MASP1: variants seen among roughly 807,000 people sequenced by gnomAD.
The protein encoded by MASP1 is mannan-binding lectin serine protease 1.
A neutral mutation model predicts 77.1 loss-of-function variants in MASP1; 59 were observed. The ratio of observed to expected loss-of-function variants is 0.77; its 90% CI spans 0.62 to 0.95. The LOEUF (loss-of-function observed/expected upper bound fraction) is 0.95. MASP1 is among the 40% of genes least tolerant of loss of function. The pLI, the probability that MASP1 is intolerant of heterozygous loss-of-function variation, is 0.00. For synonymous variants in MASP1, 362 were observed against 354.5 expected (o/e 1.02, Z -0.24); for missense variants, 885 against 912.9 (o/e 0.97, Z 0.39).
intron 2 of MASP1, among the ~76,000 whole-genome samples, chr3:187,272,418 T>C (rs1716601000): frequency 6.6e-6 from 1 of 152,302 alleles, no homozygotes; most frequent in East Asian, 1.9e-4. Context: ...GTGAATTGTG[T>C]CCCCCTAGAA....
intron 2 of MASP1, among the ~76,000 whole-genome samples, chr3:187,272,965 G>A (rs1352714352): frequency 1.3e-5 from 2 of 152,128 alleles, no homozygotes; most frequent in East Asian, 1.9e-4. Context: ...TTGTAAATAG[G>A]ATGGGAGGTG....
intron 9 of MASP1, 104 bp downstream of exon 9, chr3:187,243,380 C>T (rs1212133321): frequency 2.5e-6 from 3 of 1,203,636 alleles, no homozygotes; most frequent in Non-Finnish European, 3.7e-6. Context: ...GCTCTACACA[C>T]TTATGAGCAG....
chr3:187,256,199 G>A (rs1715061125), intron 5 of MASP1, among the ~76,000 whole-genome samples: 1 of 152,106 alleles, frequency 6.6e-6, no homozygotes, highest in African/African-American at 2.4e-5. Context: ...AATTTGTGAG[G>A]TCTGGGGCAA....
chr3:187,278,779 A>G lies in MASP1; in HGVS notation c.237+7046T>C, dbSNP rs545230348. Among the ~76,000 whole-genome samples the G allele has an allele frequency of 1.6e-4, 24 of 152,276 alleles. No individual in the cohort carries two copies. In the South Asian group the frequency reaches 4.6e-3, roughly 29 times the overall value. On this transcript the variant is annotated intron_variant, in intron 2 of 10. Transcript: ENST00000296280. ...CCTACCTGCTCTTCCATAGCTGTCC[A>G]GGAGGCCTGTGGGCTTTCTTGAAGT...
intron 8 of MASP1, chr3:187,244,711 G>A (rs1180850245): frequency 6.6e-6 from 1 of 152,224 alleles, no homozygotes; most frequent in Non-Finnish European, 1.5e-5. Flanking sequence ...AATGGAACTA[G>A]TGGTTCTTAA....
intron 2 of MASP1, among the ~76,000 whole-genome samples, chr3:187,276,120 C>A (rs144819874): frequency 3.4e-5 from 4 of 117,300 alleles, no homozygotes; most frequent in Admixed American, 1.9e-4. Flanking sequence ...GGTAGCCCCC[C>A]CAACAAGAAA....
At chr3:187,267,240 A>G (rs527644859) in intron 2 of MASP1, among the ~76,000 whole-genome samples, 1 of 152,340 alleles carries the variant, frequency 6.6e-6, no homozygotes, top group Admixed American at 6.5e-5. Flanking sequence ...GCAAATAAAC[A>G]AAGGCTGTCT....
At chr3:187,238,176 G>A (rs1713328716) in intron 10 of MASP1, among the ~76,000 whole-genome samples, 1 of 152,320 alleles carries the variant, frequency 6.6e-6, no homozygotes, top group South Asian at 2.1e-4. Flanking sequence ...TCACAACAAA[G>A]CCAGCATTAA....
In MASP1 at chr3:187,256,854, C is replaced by T; in HGVS notation, c.554G>A (p.Cys185Tyr). ...HTDNRTCRVE[C>Y]SDNLFTQRTG... ...CCTTTGAGTGAAGAGGTTGTCACTG[C>T]ACTCCACTGTTGGAAACATAATAGA... Residue 185 changes from cysteine to tyrosine, a missense_variant, in exon 5 of 11, where the codon TGC becomes TAC. Physicochemically the swap from Cys to Tyr is radical, Grantham distance 194. Coordinates refer to ENST00000296280, the MANE Select transcript of MASP1 (RefSeq NM_139125.4). 1 of 1,613,752 alleles carries T rather than the reference C, an allele frequency of 6.2e-7. No homozygotes were observed. The highest frequency in any genetic ancestry group is 8.5e-7 in the Non-Finnish European group (1 of 1,179,828).
downstream of MASP1, chr3:187,234,028 G>A: frequency 2.0e-5 from 23 of 1,167,782 alleles, no homozygotes; most frequent in Middle Eastern, 3.9e-4. Context: ...TTTCAAAAAA[G>A]TTAAAACAAA....
At position 187,236,272 on chromosome 3, in the gene MASP1, G is replaced by A. The variant is rs1579482015; in HGVS notation, c.1599C>T (p.Asn533=). Residue 533 remains asparagine, a synonymous_variant, in exon 11 of 11, where the codon AAC becomes AAT. Coordinates refer to ENST00000296280, the MANE Select transcript of MASP1 (RefSeq NM_139125.4). Reference sequence around the variant, plus strand: ...GGAGCACCACTCGGGCAGCTGAGCTGTTGACTGCCCCCGATTTGTCTCGCA... The same window carrying A: ...GGAGCACCACTCGGGCAGCTGAGCTATTGACTGCCCCCGATTTGTCTCGCA... ...HDVRDKSGAV[N]SSAARVVLHP... 2 of 1,614,268 alleles carry A rather than the reference G, an allele frequency of 1.2e-6. No individual in the cohort carries two copies. The highest frequency in any genetic ancestry group is 2.2e-5 in the South Asian group (2 of 91,086).
At position 187,236,316 on chromosome 3, in the gene MASP1, A is replaced by T; in HGVS notation, c.1555T>A (p.Tyr519Asn). 1 of 1,614,242 alleles carries T rather than the reference A, an allele frequency of 6.2e-7. No homozygotes were observed. Among genetic ancestry groups the T allele is most frequent in the South Asian group, 1.1e-5 (1 of 91,082 alleles). ...TCTCGCACATCATGCAAGCCCAGGT[A>T]GACGGTGACATGCTCCTTGGAGACT... Reference protein sequence around the residue: ...IPVSKEHVTVYLGLHDVRDKS... With the variant: ...IPVSKEHVTVNLGLHDVRDKS... The change falls in exon 11 of 11, where the codon TAC becomes AAC. Residue 519 changes from tyrosine to asparagine, a missense_variant. Transcript: ENST00000296280.
chr3:187,238,680 G>T (rs3774269), intron 10 of MASP1, among the ~76,000 whole-genome samples: 6,346 of 152,196 alleles, frequency 0.042, 302 homozygotes, highest in East Asian at 0.19. Flanking sequence ...AAAATGGCTC[G>T]GCATTGCTTA....
chr3:187,248,010 G>A (rs1447617675), intron 8 of MASP1, among the ~76,000 whole-genome samples: 1 of 152,128 alleles, frequency 6.6e-6, no homozygotes, highest in African/African-American at 2.4e-5. Context: ...GGGGACTCTC[G>A]ACTCCTCAGT....
chr3:187,288,699 T>G (rs187176782), intron 1 of MASP1, among the ~76,000 whole-genome samples: 1 of 152,122 alleles, frequency 6.6e-6, no homozygotes, highest in Admixed American at 6.5e-5. Flanking sequence ...ACACCCAAAT[T>G]ATGCAAGGCC....
Position 187,234,149 on chromosome 3 carries a change from T to C in MASP1, c.*1535A>G. On this transcript the variant is annotated 3_prime_UTR_variant, in exon 11 of 11. Coordinates refer to ENST00000296280, the MANE Select transcript of MASP1 (RefSeq NM_139125.4). ...ATGGGAGCAACAATGCAGAGGCCCTTTACAGAATGGTGAAGCATATGATAT... is the reference window on the plus strand; with the variant it reads ...ATGGGAGCAACAATGCAGAGGCCCTCTACAGAATGGTGAAGCATATGATAT... 1 of 1,287,242 alleles carries C rather than the reference T, an allele frequency of 7.8e-7. No individual in the cohort carries two copies. Among genetic ancestry groups the C allele is most frequent in the Non-Finnish European group, 1.0e-6 (1 of 988,692 alleles). 79.7% of individuals were successfully genotyped at this position (1,287,242 alleles called of 1,614,324 possible). A position where few individuals can be genotyped will look rare whatever the true frequency, so the allele number is the denominator to read the frequency against.
Position 187,253,326 on chromosome 3 carries a change from T to G in MASP1, c.745-11A>C, listed in dbSNP as rs1714790843. ...TGGACCAACTTTGATCTGCAAAATA[T>G]GAGAGAGAGAGAGAGAAATAGAGTG... is the stretch of plus-strand genomic sequence containing the variant. On this transcript the variant is annotated splice_polypyrimidine_tract_variant and intron_variant, in intron 5 of 10. Transcript: ENST00000296280. 1 of 1,605,282 alleles carries G rather than the reference T, an allele frequency of 6.2e-7. No homozygotes were observed. The highest frequency in any genetic ancestry group is 8.5e-7 in the Non-Finnish European group (1 of 1,173,714).
chr3:187,262,346 T>C (rs1464525932), intron 3 of MASP1, among the ~76,000 whole-genome samples, 197 bp downstream of exon 3: 1 of 152,218 alleles, frequency 6.6e-6, no homozygotes, highest in African/African-American at 2.4e-5. Flanking sequence ...TAAAACACTT[T>C]GTAAAAGATG....
intron 4 of MASP1, 93 bp from the exon 5 acceptor site, chr3:187,256,953 C>A: frequency 9.2e-7 from 1 of 1,092,518 alleles, no homozygotes. Flanking sequence ...CCAATGGTCC[C>A]AAGCAGTAGA....
Sources: allele counts gnomAD v4.1 joint callset (sites outside exome capture counted in the v4.1 genomes callset), GRCh38; gene constraint gnomAD v4.1.1; transcripts MANE v1.5; gene names NCBI Gene and HGNC (gene_info 2026-07-23, HGNC 2026-07-21).